Variants in NR5A2 observed in about 807,000 individuals in gnomAD.
The protein encoded by NR5A2 is nuclear receptor subfamily 5 group A member 2.
In NR5A2, 26 loss-of-function variants were observed where a neutral mutation model predicts 62.7. The observed-to-expected ratio is 0.41, with a 90% CI of 0.30 to 0.58. The LOEUF (loss-of-function observed/expected upper bound fraction) is 0.58, where lower values mean the gene tolerates loss of function less well. NR5A2 is among the 20% of genes least tolerant of loss of function. NR5A2 has a pLI of 0.22. For synonymous variants in NR5A2, 246 were observed against 241.7 expected (o/e 1.02, Z -0.16); for missense variants, 541 against 669.1 (o/e 0.81, Z 2.11).
At chr1:200,032,702 T>G (rs997796431) in intron 1 of NR5A2, among the ~76,000 whole-genome samples, 4 of 152,218 alleles carry the variant, frequency 2.6e-5, no homozygotes, top group Non-Finnish European at 5.9e-5. Flanking sequence ...TATATTTCTT[T>G]CCTGGCACTG....
intron 5 of NR5A2, among the ~76,000 whole-genome samples, chr1:200,070,774 T>C (rs763178727): frequency 1.4e-5 from 2 of 139,284 alleles, no homozygotes; most frequent in African/African-American, 2.7e-5. Flanking sequence ...ACCAAATATA[T>C]ACACAAACCT....
At chr1:200,144,878 C>G (rs1038474813) in intron 7 of NR5A2, among the ~76,000 whole-genome samples, 1 of 152,138 alleles carries the variant, frequency 6.6e-6, no homozygotes, top group Non-Finnish European at 1.5e-5. Context: ...CTCTCTGAGA[C>G]CTACTAAATA....
At chr1:200,085,479 C>A (rs1231820405) in intron 5 of NR5A2, among the ~76,000 whole-genome samples, 1 of 152,100 alleles carries the variant, frequency 6.6e-6, no homozygotes, top group South Asian at 2.1e-4. Context: ...AATCCCCTTC[C>A]ATTTGCTTCC....
At chr1:200,116,425 G>A (rs925305582) in intron 6 of NR5A2, among the ~76,000 whole-genome samples, 4 of 152,154 alleles carry the variant, frequency 2.6e-5, no homozygotes. Flanking sequence ...CTTGAAAAGA[G>A]AAGAAATATA....
At chr1:200,083,757 G>A (rs551987110) in intron 5 of NR5A2, among the ~76,000 whole-genome samples, 7 of 152,060 alleles carry the variant, frequency 4.6e-5, no homozygotes, top group African/African-American at 1.2e-4. Flanking sequence ...ACCTGAGGCC[G>A]GGAGTTCAAG....
chr1:200,090,017 C>T (rs1026542660), intron 5 of NR5A2, among the ~76,000 whole-genome samples: 1 of 152,102 alleles, frequency 6.6e-6, no homozygotes, highest in Non-Finnish European at 1.5e-5. Flanking sequence ...GAAATGGGGA[C>T]TATTTGAAAT....
At chr1:200,074,539 C>T (rs1663915847) in intron 5 of NR5A2, among the ~76,000 whole-genome samples, 1 of 151,588 alleles carries the variant, frequency 6.6e-6, no homozygotes, top group Non-Finnish European at 1.5e-5. Context: ...AGATCGAGAC[C>T]ATCCTTGCTA....
At position 200,094,780 on chromosome 1, in the gene NR5A2, C is replaced by T. The variant is rs189356769; in HGVS notation, c.1111-16422C>T. On this transcript the variant is annotated intron_variant, in intron 5 of 7. Coordinates refer to ENST00000367362, the MANE Select transcript of NR5A2 (RefSeq NM_205860.3). ...ATCTCCTGACCTTGTGATCTGCCCG[C>T]CTCGGCCTCCCAAAGTGCTGGGATT... Among the ~76,000 whole-genome samples, 211 of 151,494 alleles carry T rather than the reference C, an allele frequency of 1.4e-3. 1 individual carries two copies. The highest frequency in any genetic ancestry group is 4.6e-3 in the African/African-American group (188 of 41,252).
At chr1:200,083,455 T>C (rs1664383023) in intron 5 of NR5A2, among the ~76,000 whole-genome samples, 1 of 152,188 alleles carries the variant, frequency 6.6e-6, no homozygotes, top group African/African-American at 2.4e-5. Context: ...TATGTGTACA[T>C]TTTAAAAACC....
chr1:200,136,642 C>G (rs939064798), intron 7 of NR5A2, among the ~76,000 whole-genome samples: 6 of 152,208 alleles, frequency 3.9e-5, no homozygotes, highest in African/African-American at 1.4e-4. Flanking sequence ...GTTTTCTCCA[C>G]TATTCACTGC....
At chr1:200,028,576 CTT>C (rs1335056094) in intron 1 of NR5A2, among the ~76,000 whole-genome samples, 4 of 152,062 alleles carry the variant, frequency 2.6e-5, no homozygotes, top group Non-Finnish European at 2.9e-5. Context: ...GAGTTACAAA[CTT>C]ATGAATTTTA....
At chr1:200,114,883 C>T (rs1666144401) in intron 6 of NR5A2, among the ~76,000 whole-genome samples, 2 of 152,106 alleles carry the variant, frequency 1.3e-5, no homozygotes, top group Admixed American at 6.5e-5. Context: ...CATGCCATAC[C>T]GTTTATCTGA....
intron 7 of NR5A2, among the ~76,000 whole-genome samples, chr1:200,148,923 T>C (rs900842874): frequency 6.6e-6 from 1 of 151,062 alleles, no homozygotes; most frequent in Non-Finnish European, 1.5e-5. Flanking sequence ...TTTTTTTTTT[T>C]TTTCCTTTGA....
intron 3 of NR5A2, chr1:200,044,511 A>G (rs1469436612): frequency 2.0e-5 from 3 of 152,116 alleles, no homozygotes; most frequent in Non-Finnish European, 4.4e-5. Context: ...GTTACCAAAA[A>G]TATAAATTAT....
chr1:200,129,071 G>A (rs1165592944), intron 7 of NR5A2, among the ~76,000 whole-genome samples: 5 of 152,108 alleles, frequency 3.3e-5, no homozygotes, highest in Non-Finnish European at 7.3e-5. Flanking sequence ...ACCTGGCAGA[G>A]GTTTGCTGTC....
intron 6 of NR5A2, among the ~76,000 whole-genome samples, chr1:200,114,423 G>A (rs1391782665): frequency 1.3e-5 from 2 of 152,124 alleles, no homozygotes; most frequent in African/African-American, 4.8e-5. Flanking sequence ...CACTAGTGCA[G>A]ACCATGTGCT....
At chr1:200,087,267 C>CCCTT (rs1553270464) in intron 5 of NR5A2, among the ~76,000 whole-genome samples, 1 of 149,566 alleles carries the variant, frequency 6.7e-6, no homozygotes, top group African/African-American at 2.5e-5. Context: ...CACACACACA[C>CCCTT]CCTTCCTCTT....
chr1:200,068,786 A>G (rs1349804538), intron 5 of NR5A2, among the ~76,000 whole-genome samples: 1 of 152,206 alleles, frequency 6.6e-6, no homozygotes, highest in Non-Finnish European at 1.5e-5. Context: ...CTGCTAAGGT[A>G]TTTCTTGTGT....
chr1:200,048,932 T>C lies in NR5A2; in HGVS notation c.1110+114T>C. 1 of 1,319,152 alleles carries C rather than the reference T, an allele frequency of 7.6e-7. No individual in the cohort carries two copies. The highest frequency in any genetic ancestry group is 1.0e-6 in the Non-Finnish European group (1 of 956,518). The allele number at this position is 1,319,152 out of a possible 1,614,324, so 81.7% of individuals were successfully genotyped here. On this transcript the variant is annotated intron_variant, in intron 5 of 7. Coordinates refer to ENST00000367362, the MANE Select transcript of NR5A2 (RefSeq NM_205860.3). The surrounding 1 kb of genome is among the most constrained non-coding windows in gnomAD (Gnocchi z 4.8). ...ATGTGTTCCTTAATTTTCTACTTTG[T>C]ATGATTTACAGAGTAGACGTAATTT...
Sources: gnomAD v4.1 joint callset for allele counts (sites outside exome capture counted in the v4.1 genomes callset) on GRCh38, gnomAD v4.1.1 for gene constraint, Gnocchi (gnomAD v3.1) non-coding constraint, MANE v1.5 for transcripts, NCBI Gene and HGNC (gene_info 2026-07-23, HGNC 2026-07-21) for gene names.